KANSL1: variants seen among roughly 807,000 people sequenced by gnomAD.
KANSL1 encodes the protein KAT8 regulatory NSL complex subunit 1.
A neutral mutation model predicts 103.6 loss-of-function variants in KANSL1; 22 were observed. The ratio of observed to expected loss-of-function variants is 0.21; its 90% confidence interval spans 0.15 to 0.30. KANSL1 has a LOEUF of 0.30. Among genes scored for constraint, KANSL1 ranks in the 10% least tolerant of loss-of-function variants. KANSL1 has a pLI of 1.00. For missense variants in KANSL1, 1,337 were observed against 1,399.8 expected (o/e 0.96, Z 0.72); for synonymous variants, 600 against 527.6 (o/e 1.14, Z -1.88).
intron 2 of KANSL1, among the ~76,000 whole-genome samples, chr17:46,158,363 CTTT>C (rs67455357): frequency 3.6e-5 from 5 of 138,660 alleles, no homozygotes; most frequent in Non-Finnish European, 7.8e-5. Flanking sequence ...CCATTAGAGA[CTTT>C]TTTTTTTTTT....
intron 2 of KANSL1, among the ~76,000 whole-genome samples, chr17:46,102,234 G>C (rs567572353): frequency 1.5e-3 from 227 of 152,192 alleles, no homozygotes; most frequent in African/African-American, 4.6e-3. Context: ...TAGTAATGTG[G>C]AACAAATGTA....
intron 1 of KANSL1, among the ~76,000 whole-genome samples, chr17:46,191,972 G>A (rs1217607091): frequency 8.1e-6 from 1 of 123,494 alleles, no homozygotes; most frequent in Non-Finnish European, 1.6e-5. Context: ...ATAAGTCACA[G>A]AAAATGCTCC....
At chr17:46,158,740 C>T (rs1222151184) in intron 2 of KANSL1, among the ~76,000 whole-genome samples, 3 of 152,066 alleles carry the variant, frequency 2.0e-5, no homozygotes. Flanking sequence ...GAGGTTTCAC[C>T]ATGTTGGCAA....
At chr17:46,073,029 G>C (rs1486274782) in intron 4 of KANSL1, among the ~76,000 whole-genome samples, 1 of 152,110 alleles carries the variant, frequency 6.6e-6, no homozygotes, top group South Asian at 2.1e-4. Flanking sequence ...AACACTGTGG[G>C]TCAAATATTT....
chr17:46,087,803 C>T (rs3865315), intron 3 of KANSL1, among the ~76,000 whole-genome samples: 34,516 of 152,008 alleles, frequency 0.23, 4,470 homozygotes, highest in African/African-American at 0.32. Flanking sequence ...CACAATAACA[C>T]TTATTTCGGA....
chr17:46,217,663 C>G (rs2048383435), intron 1 of KANSL1, among the ~76,000 whole-genome samples: 1 of 151,808 alleles, frequency 6.6e-6, no homozygotes, highest in Admixed American at 6.6e-5. Context: ...CTGAGGTGGG[C>G]AGATCACTTA....
intron 2 of KANSL1, among the ~76,000 whole-genome samples, chr17:46,146,437 C>A (rs143843662): frequency 6.6e-6 from 1 of 152,214 alleles, no homozygotes; most frequent in Non-Finnish European, 1.5e-5. Context: ...CTTTCCTCTA[C>A]ACTGATCCTA....
intron 2 of KANSL1, among the ~76,000 whole-genome samples, chr17:46,133,791 T>C (rs2043987633): frequency 6.6e-6 from 1 of 152,232 alleles, no homozygotes; most frequent in African/African-American, 2.4e-5. Context: ...ATATGATACA[T>C]TTTTAAATGA....
chr17:46,140,856 A>G (rs1017771031), intron 2 of KANSL1, among the ~76,000 whole-genome samples: 1 of 152,224 alleles, frequency 6.6e-6, no homozygotes, highest in South Asian at 2.1e-4. Flanking sequence ...CATGGCTATA[A>G]TTAAAAAGAC....
chr17:46,211,211 A>C (rs960603967), intron 1 of KANSL1, among the ~76,000 whole-genome samples: 7 of 145,362 alleles, frequency 4.8e-5, no homozygotes. Context: ...CCCTAAAGAC[A>C]ATGTGATGTT....
chr17:46,075,323 A>AC (rs1555750086), intron 4 of KANSL1, among the ~76,000 whole-genome samples: 1 of 150,628 alleles, frequency 6.6e-6, no homozygotes. Flanking sequence ...ACTCTGTACT[A>AC]CTATTTCAAC....
chr17:46,080,436 G>A (rs899957431), intron 4 of KANSL1, among the ~76,000 whole-genome samples: 2 of 150,788 alleles, frequency 1.3e-5, no homozygotes, highest in African/African-American at 2.4e-5. Context: ...CCTCTGTCCC[G>A]GGCAACCTAA....
chr17:46,102,695 AT>A (rs1456193949), intron 2 of KANSL1, among the ~76,000 whole-genome samples: 1 of 152,242 alleles, frequency 6.6e-6, no homozygotes, highest in Non-Finnish European at 1.5e-5. Context: ...TCAGCCAAGC[AT>A]TTAGCCCACC....
Position 46,030,522 on chromosome 17 carries a change from G to C in KANSL1, c.*954C>G, listed in dbSNP as rs150500194. 572 of 150,736 alleles carry C rather than the reference G, an allele frequency of 3.8e-3. No homozygotes were observed. The highest frequency in any genetic ancestry group is 5.9e-3 in the Non-Finnish European group (400 of 67,858). 9.3% of individuals were successfully genotyped at this position (150,736 alleles called of 1,614,324 possible). A position where few individuals can be genotyped will look rare whatever the true frequency, so the allele number is the denominator to read the frequency against. ...TTCCACAGGCAAGGGGAGCGTGAAA[G>C]ACCAAGAGTGGAACTAACACCGACA... On this transcript the variant is annotated 3_prime_UTR_variant, in exon 15 of 15. Coordinates refer to ENST00000432791, the MANE Select transcript of KANSL1 (RefSeq NM_015443.4).
chr17:46,135,330 G>A (rs1422202295), intron 2 of KANSL1, among the ~76,000 whole-genome samples: 12 of 150,820 alleles, frequency 8.0e-5, no homozygotes, highest in African/African-American at 2.9e-4. Context: ...CACATGGGAA[G>A]GTTCACTGCA....
At chr17:46,153,267 TA>T (rs2045224647) in intron 2 of KANSL1, among the ~76,000 whole-genome samples, 1 of 152,246 alleles carries the variant, frequency 6.6e-6, no homozygotes, top group African/African-American at 2.4e-5. Flanking sequence ...CGAATAATTA[TA>T]AAACTATTAG....
chr17:46,163,448 G>C (rs576748974), intron 2 of KANSL1, among the ~76,000 whole-genome samples: 1 of 152,268 alleles, frequency 6.6e-6, no homozygotes, highest in African/African-American at 2.4e-5. Flanking sequence ...CCCAAGCCTT[G>C]AACTCCTAGG....
intron 2 of KANSL1, among the ~76,000 whole-genome samples, chr17:46,161,335 C>T (rs2045730589): frequency 6.6e-6 from 1 of 151,186 alleles, no homozygotes; most frequent in Non-Finnish European, 1.5e-5. Flanking sequence ...ACTTGGGAGG[C>T]TGAGGCAGGA....
At chr17:46,179,220 T>C (rs1184704201) in intron 1 of KANSL1, among the ~76,000 whole-genome samples, 1 of 152,212 alleles carries the variant, frequency 6.6e-6, no homozygotes, top group African/African-American at 2.4e-5. Context: ...ATCCTAAAGA[T>C]TATACACACA....
Sources: gnomAD v4.1 joint callset for allele counts (sites outside exome capture counted in the v4.1 genomes callset) on GRCh38, gnomAD v4.1.1 for gene constraint, MANE v1.5 for transcripts, NCBI Gene and HGNC (gene_info 2026-07-23, HGNC 2026-07-21) for gene names.